The following ZMYND11 variants were observed in gnomAD, a reference collection of about 807,000 sequenced individuals.
The protein encoded by ZMYND11 is zinc finger MYND-type containing 11, also known as zinc finger MYND domain-containing protein 11.
ZMYND11 carries 9 observed loss-of-function variants against 84.9 expected under a neutral mutation model. That is an observed-to-expected ratio of 0.11 (90% CI 0.06 to 0.18). ZMYND11 has a LOEUF of 0.18. ZMYND11 is among the 10% of genes least tolerant of loss of function. The probability of loss-of-function intolerance (pLI) is 1.00; values close to 1 mark genes in which losing one functional copy is unlikely to be tolerated. For synonymous variants in ZMYND11, 250 were observed against 244.1 expected, an observed-to-expected ratio of 1.02 and a Z score of -0.23; for missense variants, 409 against 761.0, an observed-to-expected ratio of 0.54 and a Z score of 5.44.
chr10:236,264 TAG>T (rs1949944736), intron 4 of ZMYND11, among the ~76,000 whole-genome samples: 1 of 152,224 alleles, frequency 6.6e-6, no homozygotes, highest in Non-Finnish European at 1.5e-5. Context: ...CATGTGAAGT[TAG>T]ACTTTTTTGG....
At chr10:223,825 C>G (rs1282103929) in intron 4 of ZMYND11, among the ~76,000 whole-genome samples, 1 of 152,090 alleles carries the variant, frequency 6.6e-6, no homozygotes, top group Non-Finnish European at 1.5e-5. Context: ...AGTGTCAAAA[C>G]TTTGAGTAAA....
intron 4 of ZMYND11, among the ~76,000 whole-genome samples, chr10:224,479 C>G (rs935514941): frequency 4.6e-5 from 7 of 152,164 alleles, no homozygotes; most frequent in African/African-American, 1.7e-4. Flanking sequence ...GATTTAAATA[C>G]TGTCCAGTTT....
At chr10:132,339 T>C (rs1454428298), upstream of ZMYND11, among the ~76,000 whole-genome samples, 9 of 151,302 alleles carry the variant, frequency 5.9e-5, no homozygotes, top group Non-Finnish European at 4.4e-5. Flanking sequence ...AAAGTCTCCC[T>C]TTGCAGTACG....
intron 2 of ZMYND11, 51 bp from the exon 3 acceptor site, chr10:209,838 T>G (rs998700713): frequency 2.6e-6 from 4 of 1,522,924 alleles, no homozygotes; most frequent in Admixed American, 3.9e-5. Flanking sequence ...TCATTCATTT[T>G]TAGTTTTCAG....
At position 174,523 on chromosome 10, in the gene ZMYND11, G is replaced by A. The variant is rs188125868; in HGVS notation, c.-19-5471G>A. On this transcript the variant is annotated intron_variant, in intron 1 of 14. Coordinates refer to ENST00000381604, the MANE Select transcript of ZMYND11 (RefSeq NM_001370100.5). The stretch of plus-strand genomic sequence containing the variant: ...AAACCCATGTGCACTACAGTGGCAC[G>A]TGCTTGTCATTCATACATTAGTCAA... Among the ~76,000 whole-genome samples the A allele has an allele frequency of 9.8e-4, 138 of 140,286 alleles. 1 individual carries two copies. The highest frequency in any genetic ancestry group is 3.1e-3 in the African/African-American group (119 of 37,894). 92.0% of individuals were successfully genotyped at this position (140,286 alleles called of 152,430 possible).
upstream of ZMYND11, among the ~76,000 whole-genome samples, chr10:131,473 G>A (rs1835311518): frequency 6.6e-6 from 1 of 152,150 alleles, no homozygotes. Context: ...GTAGTAAAAA[G>A]CTGCCACTTA....
chr10:211,849 C>CTTATT (rs1435540007), intron 3 of ZMYND11, among the ~76,000 whole-genome samples: 1 of 152,110 alleles, frequency 6.6e-6, no homozygotes, highest in East Asian at 1.9e-4. Flanking sequence ...GGTGCCAAGA[C>CTTATT]ATAATAAAAG....
chr10:218,592 T>A lies in ZMYND11; in HGVS notation c.277-2603T>A. On this transcript the variant is annotated intron_variant, in intron 3 of 14. Coordinates refer to ENST00000381604, the MANE Select transcript of ZMYND11 (RefSeq NM_001370100.5). ...TTTACCTTAGGCTAGCTTAGTTAAC[T>A]CTTGCTAGATTTGTTTGTTAAAACC... is the stretch of plus-strand genomic sequence containing the variant. 2.0e-5 allele frequency: 5 copies of A among 256,064 alleles called. 1 individual carries two copies. In the South Asian group the frequency reaches 2.0e-4, roughly 10 times the overall value. The allele number at this position is 256,064 out of a possible 1,614,324, so 15.9% of individuals were successfully genotyped here.
chr10:233,632 C>T (rs2131620038), intron 4 of ZMYND11, among the ~76,000 whole-genome samples: 1 of 152,242 alleles, frequency 6.6e-6, no homozygotes, highest in East Asian at 1.9e-4. Flanking sequence ...TGGGCCCTAC[C>T]CAGATGACCT....
At position 239,676 on chromosome 10, in the gene ZMYND11, A is replaced by C. The variant is rs189236173; in HGVS notation, c.697+151A>C. On this transcript the variant is annotated intron_variant, in intron 7 of 14. Coordinates refer to ENST00000381604, the MANE Select transcript of ZMYND11 (RefSeq NM_001370100.5). ...TATAAGGTTAGGAATATCTGGTGATATAGATTATAGAATGGACTGGCCAAA... is the reference window on the plus strand; with the variant it reads ...TATAAGGTTAGGAATATCTGGTGATCTAGATTATAGAATGGACTGGCCAAA... 956 of 669,294 alleles carry C rather than the reference A, an allele frequency of 1.4e-3. 9 individuals carry two copies. Among genetic ancestry groups the C allele is most frequent in the Middle Eastern group, 0.011 (29 of 2,638 alleles). 41.5% of individuals were successfully genotyped at this position (669,294 alleles called of 1,614,324 possible).
At chr10:194,735 AT>A (rs200491528) in intron 2 of ZMYND11, among the ~76,000 whole-genome samples, 5 of 152,058 alleles carry the variant, frequency 3.3e-5, no homozygotes, top group African/African-American at 7.2e-5. Context: ...TCCTTTGCCC[AT>A]TTTTTTATGG....
chr10:217,538 T>G (rs1196654776), intron 3 of ZMYND11, among the ~76,000 whole-genome samples: 1 of 151,474 alleles, frequency 6.6e-6, no homozygotes, highest in East Asian at 1.9e-4. Context: ...AAAATTGTTG[T>G]GAAATACAGA....
chr10:211,664 C>G (rs746923402), intron 3 of ZMYND11, among the ~76,000 whole-genome samples: 31 of 152,196 alleles, frequency 2.0e-4, no homozygotes, highest in Non-Finnish European at 3.8e-4. Flanking sequence ...AGAACATTCA[C>G]ATTTTCCAGC....
upstream of ZMYND11, among the ~76,000 whole-genome samples, chr10:131,204 GT>G (rs1554749895): frequency 6.6e-6 from 1 of 152,158 alleles, no homozygotes. Context: ...ACAAACATCT[GT>G]TTTTCATCTT....
chr10:200,933 G>A (rs2131096303), intron 2 of ZMYND11, among the ~76,000 whole-genome samples: 1 of 151,932 alleles, frequency 6.6e-6, no homozygotes, highest in South Asian at 2.1e-4. Context: ...TTGCTTCAGA[G>A]GCCAGAAAAA....
chr10:246,959 A>G lies in ZMYND11; in HGVS notation c.1144A>G (p.Thr382Ala). The G allele has an allele frequency of 6.2e-7, 1 of 1,606,820 alleles. No homozygotes were observed. ...EEEAESSISS[T>A]SNEQLKVTQE... ...AGAGGCAGAATCCAGTATCTCCTCCACCAGTAATGAGCAGGTGAGTGTGTC... is the reference window on the plus strand; with the variant it reads ...AGAGGCAGAATCCAGTATCTCCTCCGCCAGTAATGAGCAGGTGAGTGTGTC... Residue 382 changes from threonine (T) to alanine (A), a missense_variant, in exon 11 of 15, where the codon ACC (threonine) becomes GCC (alanine). By Grantham distance (58) the Thr-to-Ala change is moderately conservative. Transcript: ENST00000381604.
chr10:139,598 T>G (rs1836984307), intron 1 of ZMYND11, among the ~76,000 whole-genome samples: 2 of 151,970 alleles, frequency 1.3e-5, no homozygotes, highest in Admixed American at 1.3e-4. Flanking sequence ...ATAACATAAA[T>G]GAGGACCATA....
At chr10:224,691 C>G (rs1318172119) in intron 4 of ZMYND11, among the ~76,000 whole-genome samples, 2 of 152,130 alleles carry the variant, frequency 1.3e-5, no homozygotes, top group African/African-American at 4.8e-5. Context: ...ACATTAATTA[C>G]TGGATGTGGC....
At chr10:143,402 C>T (rs1366286332) in intron 1 of ZMYND11, among the ~76,000 whole-genome samples, 3 of 152,220 alleles carry the variant, frequency 2.0e-5, no homozygotes, top group East Asian at 1.9e-4. Context: ...TTTTCTATCT[C>T]GAAAGTATGT....
Sources: gnomAD v4.1 joint callset for allele counts (sites outside exome capture counted in the v4.1 genomes callset) on GRCh38, gnomAD v4.1.1 for gene constraint, MANE v1.5 for transcripts, NCBI Gene and HGNC (gene_info 2026-07-23, HGNC 2026-07-21) for gene names.